Variants in SKAP2 observed in about 807,000 individuals in gnomAD.
SKAP2 encodes the protein src kinase associated phosphoprotein 2, also known as src kinase-associated phosphoprotein 2.
SKAP2 carries 28 observed loss-of-function variants against 54.9 expected under a neutral mutation model. The ratio of observed to expected loss-of-function variants is 0.51; its 90% CI spans 0.38 to 0.70. The LOEUF is 0.70. Among genes scored for constraint, SKAP2 ranks in the 30% least tolerant of loss-of-function variants. The pLI is 0.00. For synonymous variants in SKAP2, 137 were observed against 134.3 expected, an observed-to-expected ratio of 1.02 and a Z score of -0.14; for missense variants, 356 against 424.1, an observed-to-expected ratio of 0.84 and a Z score of 1.41.
At chr7:26,688,274 ATCTT>A (rs1786693805) in intron 10 of SKAP2, among the ~76,000 whole-genome samples, 1 of 152,170 alleles carries the variant, frequency 6.6e-6, no homozygotes. Context: ...ATCAAATGGA[ATCTT>A]TATTTTATAT....
At chr7:26,692,282 C>T (rs1177818745) in intron 9 of SKAP2, among the ~76,000 whole-genome samples, 1 of 151,988 alleles carries the variant, frequency 6.6e-6, no homozygotes, top group Non-Finnish European at 1.5e-5. Context: ...GGAGGATAGC[C>T]AAAATAATCT....
intron 4 of SKAP2, among the ~76,000 whole-genome samples, chr7:26,823,339 T>C (rs959878260): frequency 1.4e-4 from 21 of 150,508 alleles, no homozygotes; most frequent in Non-Finnish European, 3.1e-4. Flanking sequence ...GGCACGAGAA[T>C]TGCTTGAACC....
chr7:26,716,513 C>T (rs1439315398), intron 9 of SKAP2, among the ~76,000 whole-genome samples: 1 of 152,096 alleles, frequency 6.6e-6, no homozygotes, highest in Non-Finnish European at 1.5e-5. Flanking sequence ...GGTGTATCTC[C>T]AAGAAGAATA....
At position 26,761,068 on chromosome 7, in the gene SKAP2, G is replaced by A. The variant is rs139345261; in HGVS notation, c.308-21104C>T. Among the ~76,000 whole-genome samples the A allele has an allele frequency of 4.6e-3, 698 of 152,264 alleles. 21 individuals are homozygous for A. The highest frequency in any genetic ancestry group is 0.035 in the Admixed American group (530 of 15,292). ...CTGTAGTAATGAAGGAATGAAATGC[G>A]CGAAAGTGGAACAGGGAAAACGCAA... On this transcript the variant is annotated intron_variant, in intron 4 of 12. Transcript: ENST00000345317.
intron 11 of SKAP2, among the ~76,000 whole-genome samples, chr7:26,682,391 G>A (rs212847): frequency 0.52 from 79,757 of 151,952 alleles, 22,062 homozygotes; most frequent in East Asian, 0.88. Flanking sequence ...CAATAGCCCA[G>A]AATATGTCCA....
chr7:26,862,754 T>A (rs1175847209), intron 1 of SKAP2, among the ~76,000 whole-genome samples: 3 of 152,080 alleles, frequency 2.0e-5, no homozygotes, highest in Non-Finnish European at 4.4e-5. Context: ...GATTTATGAT[T>A]ATGGATCCAA....
chr7:26,821,552 A>G (rs1784383219), intron 4 of SKAP2, among the ~76,000 whole-genome samples: 2 of 152,194 alleles, frequency 1.3e-5, no homozygotes, highest in Non-Finnish European at 2.9e-5. Context: ...TCATGATATT[A>G]AACATGTTTA....
intron 11 of SKAP2, among the ~76,000 whole-genome samples, chr7:26,680,011 A>C (rs932424449): frequency 6.6e-5 from 10 of 152,234 alleles, no homozygotes; most frequent in African/African-American, 2.4e-4. Flanking sequence ...AAGGCTGCAA[A>C]GCTAGTCGCA....
At chr7:26,716,868 C>T (rs1183182408) in intron 9 of SKAP2, among the ~76,000 whole-genome samples, 2 of 152,182 alleles carry the variant, frequency 1.3e-5, no homozygotes, top group East Asian at 1.9e-4. Context: ...CTTGCCCCAG[C>T]TAACTTTTAA....
At chr7:26,705,447 T>C (rs968909918) in intron 9 of SKAP2, among the ~76,000 whole-genome samples, 1 of 152,170 alleles carries the variant, frequency 6.6e-6, no homozygotes, top group African/African-American at 2.4e-5. Context: ...AAATGACATA[T>C]GCACTTTCCT....
intron 4 of SKAP2, chr7:26,742,420 AG>A (rs1441741108): frequency 5.3e-5 from 8 of 152,146 alleles, no homozygotes; most frequent in African/African-American, 1.7e-4. Flanking sequence ...GAGAGGGGAG[AG>A]GAAGTGGGGG....
intron 4 of SKAP2, among the ~76,000 whole-genome samples, chr7:26,797,075 ACTCTAGTCC>A (rs1783796485): frequency 6.6e-6 from 1 of 152,172 alleles, no homozygotes; most frequent in Admixed American, 6.5e-5. Flanking sequence ...GTTGGACTTG[ACTCTAGTCC>A]CTAATTCCTG....
intron 9 of SKAP2, among the ~76,000 whole-genome samples, chr7:26,718,482 CT>C (rs916417368): frequency 6.6e-6 from 1 of 151,544 alleles, no homozygotes; most frequent in African/African-American, 2.4e-5. Context: ...GTGACTTCCA[CT>C]TTTTTATTTT....
intron 4 of SKAP2, among the ~76,000 whole-genome samples, chr7:26,755,722 G>T (rs1008117767): frequency 3.3e-5 from 5 of 152,122 alleles, no homozygotes; most frequent in African/African-American, 1.2e-4. Context: ...TTTGCTGAAT[G>T]AACAAACAAA....
intron 4 of SKAP2, among the ~76,000 whole-genome samples, chr7:26,819,240 C>T (rs1784335199): frequency 6.6e-6 from 1 of 151,992 alleles, no homozygotes; most frequent in Admixed American, 6.6e-5. Flanking sequence ...TACTATGCAG[C>T]CAAAAAAAGG....
chr7:26,831,946 C>A (rs1017673532), intron 4 of SKAP2, among the ~76,000 whole-genome samples: 3 of 152,166 alleles, frequency 2.0e-5, no homozygotes, highest in African/African-American at 7.2e-5. Flanking sequence ...GTTCATCAAA[C>A]TATGGTCATT....
Position 26,854,866 on chromosome 7 carries a change from A to G in SKAP2, c.92T>C (p.Ile31Thr), listed in dbSNP as rs1290939528. 4 of 1,596,022 alleles carry G rather than the reference A, an allele frequency of 2.5e-6. No individual in the cohort carries two copies. Among genetic ancestry groups the G allele is most frequent in the Non-Finnish European group, 2.6e-6 (3 of 1,168,236 alleles). Residue 31 changes from isoleucine (I) to threonine (T), a missense_variant, in exon 2 of 13, where the codon ATA (isoleucine) becomes ACA (threonine). Physicochemically the swap from Ile to Thr is moderately conservative, Grantham distance 89 (BLOSUM62 -1). Coordinates refer to ENST00000345317, the MANE Select transcript of SKAP2 (RefSeq NM_003930.5). Reference sequence around the variant, plus strand: ...CTTGGATAAATTTTCTCCTTTCAGTATATCTGCTACAAATGTTTCAACATC... The same window carrying G: ...CTTGGATAAATTTTCTCCTTTCAGTGTATCTGCTACAAATGTTTCAACATC... ...LADVETFVAD[I>T]LKGENLSKKA...
chr7:26,775,829 C>T (rs1783294284), intron 4 of SKAP2, among the ~76,000 whole-genome samples: 1 of 152,126 alleles, frequency 6.6e-6, no homozygotes, highest in South Asian at 2.1e-4. Flanking sequence ...AGCGTAACTG[C>T]CCAAAGTTTC....
At chr7:26,820,985 T>A (rs928885056) in intron 4 of SKAP2, among the ~76,000 whole-genome samples, 1 of 152,184 alleles carries the variant, frequency 6.6e-6, no homozygotes, top group Non-Finnish European at 1.5e-5. Flanking sequence ...AAACTAAGGC[T>A]TAAACAGAAA....
Sources: allele counts gnomAD v4.1 joint callset (sites outside exome capture counted in the v4.1 genomes callset), GRCh38; gene constraint gnomAD v4.1.1; transcripts MANE v1.5; gene names NCBI Gene and HGNC (gene_info 2026-07-23, HGNC 2026-07-21).